ST6GALNAC3: variants seen among roughly 807,000 people sequenced by gnomAD.
ST6GALNAC3 encodes ST6 N-acetylgalactosaminide alpha-2,6-sialyltransferase 3.
Under a neutral mutation model 32.7 loss-of-function variants are expected in ST6GALNAC3, and 25 were observed. The observed-to-expected ratio is 0.76, with a 90% CI of 0.56 to 1.07. The LOEUF (loss-of-function observed/expected upper bound fraction) is 1.07, where lower values mean the gene tolerates loss of function less well. Ranked by LOEUF, ST6GALNAC3 falls within the 50% of genes least tolerant of loss-of-function variation. The probability of loss-of-function intolerance (pLI) is 0.00; values close to 1 mark genes in which losing one functional copy is unlikely to be tolerated. For synonymous variants in ST6GALNAC3, 129 were observed against 133.1 expected (o/e 0.97, Z 0.21); for missense variants, 355 against 382.4 (o/e 0.93, Z 0.60).
intron 1 of ST6GALNAC3, among the ~76,000 whole-genome samples, chr1:76,206,995 T>G (rs1654861882): frequency 6.6e-6 from 1 of 152,182 alleles, no homozygotes; most frequent in South Asian, 2.1e-4. Context: ...CCATTGACAT[T>G]TCTTAAGAAT....
At chr1:76,521,330 T>A (rs191080927) in intron 3 of ST6GALNAC3, among the ~76,000 whole-genome samples, 236 of 150,686 alleles carry the variant, frequency 1.6e-3, no homozygotes, top group Middle Eastern at 0.01. Flanking sequence ...TACATGCATA[T>A]ACACACACAC....
In ST6GALNAC3 at chr1:76,629,479, G is replaced by C; in HGVS notation, c.*673G>C. On this transcript the variant is annotated 3_prime_UTR_variant, in exon 5 of 5. Transcript: ENST00000328299. The stretch of plus-strand genomic sequence containing the variant: ...CAAAATGGGCCAAGTAGCAAATCTT[G>C]ATGAATTTCCACTCTTACCATCCAT... 1.0e-6 allele frequency: 1 copy of C among 985,534 alleles called. No individual in the cohort carries two copies. Among genetic ancestry groups the C allele is most frequent in the Non-Finnish European group, 1.2e-6 (1 of 829,754 alleles). 61.0% of individuals were successfully genotyped at this position (985,534 alleles called of 1,614,324 possible).
intron 1 of ST6GALNAC3, among the ~76,000 whole-genome samples, chr1:76,132,341 C>T (rs887709958): frequency 2.6e-5 from 4 of 152,170 alleles, no homozygotes; most frequent in African/African-American, 9.7e-5. Flanking sequence ...CTTGCCTTCC[C>T]TCCAGTGGGG....
chr1:76,462,862 A>G (rs1202401665), intron 3 of ST6GALNAC3, among the ~76,000 whole-genome samples: 1 of 152,162 alleles, frequency 6.6e-6, no homozygotes, highest in Non-Finnish European at 1.5e-5. Context: ...CACTATCCAC[A>G]TTTTAAAAAA....
In ST6GALNAC3 at chr1:76,628,711, G is replaced by C; in HGVS notation, c.823G>C (p.Gly275Arg). 1 of 1,612,434 alleles carries C rather than the reference G, an allele frequency of 6.2e-7. No homozygotes were observed. The highest frequency in any genetic ancestry group is 8.5e-7 in the Non-Finnish European group (1 of 1,179,066). The change falls in exon 5 of 5, where the codon GGG becomes CGG. Residue 275 changes from glycine (G) to arginine (R), a missense_variant. By Grantham distance (125) the Gly-to-Arg change is moderately radical (BLOSUM62 -2). Transcript: ENST00000328299. ...EYFLHEHAPYGGHRFITEKKV... is the reference protein window; with the variant it reads ...EYFLHEHAPYRGHRFITEKKV... Reference sequence around the variant, plus strand: ...TTTTCTTCATGAACATGCCCCATATGGGGGTCATAGGTTTATCACTGAAAA... The same window carrying C: ...TTTTCTTCATGAACATGCCCCATATCGGGGTCATAGGTTTATCACTGAAAA...
intron 3 of ST6GALNAC3, among the ~76,000 whole-genome samples, chr1:76,521,969 T>G (rs771937296): frequency 4.0e-5 from 6 of 151,726 alleles, no homozygotes; most frequent in Non-Finnish European, 7.4e-5. Flanking sequence ...CTCGGGAGGC[T>G]GAGGCAAGAG....
intron 3 of ST6GALNAC3, among the ~76,000 whole-genome samples, chr1:76,489,012 C>T (rs1409893735): frequency 2.0e-5 from 3 of 152,144 alleles, no homozygotes; most frequent in Non-Finnish European, 4.4e-5. Flanking sequence ...GTTTGCTTAT[C>T]TGCCTTCTTC....
In ST6GALNAC3 at chr1:76,509,215, C is replaced by A. The variant is rs1033006910; in HGVS notation, c.623+96798C>A. Among the ~76,000 whole-genome samples, 5 of 152,090 alleles carry A rather than the reference C, an allele frequency of 3.3e-5. No homozygotes were observed. Among genetic ancestry groups the A allele is most frequent in the Non-Finnish European group, 2.9e-5 (2 of 67,992 alleles). ...AGTCTAGGACAAATAAACAGGCAAA[C>A]AAACAGGAAAACACAAATTGGAAGA... On this transcript the variant is annotated intron_variant, in intron 3 of 4. Transcript: ENST00000328299. The surrounding 1 kb of genome is among the most constrained non-coding windows in gnomAD (Gnocchi z 5.5).
intron 2 of ST6GALNAC3, among the ~76,000 whole-genome samples, chr1:76,356,918 T>A (rs1237621000): frequency 1.3e-5 from 2 of 151,940 alleles, no homozygotes; most frequent in Non-Finnish European, 2.9e-5. Flanking sequence ...TAGGAGAAAG[T>A]GCTAAAGTTG....
intron 1 of ST6GALNAC3, among the ~76,000 whole-genome samples, chr1:76,158,592 T>G (rs79441845): frequency 0.017 from 2,589 of 152,288 alleles, 59 homozygotes; most frequent in African/African-American, 0.052. Flanking sequence ...TATTCTTATT[T>G]TTAAAATTTA....
chr1:76,560,875 T>A (rs2100427071), intron 3 of ST6GALNAC3, among the ~76,000 whole-genome samples: 1 of 152,284 alleles, frequency 6.6e-6, no homozygotes, highest in South Asian at 2.1e-4. Flanking sequence ...CAAAGAGATA[T>A]CTGCATTCCC....
At chr1:76,358,981 G>A (rs1204419172) in intron 2 of ST6GALNAC3, among the ~76,000 whole-genome samples, 2 of 152,142 alleles carry the variant, frequency 1.3e-5, no homozygotes, top group Non-Finnish European at 2.9e-5. Flanking sequence ...CACTATTAGA[G>A]TCTGTACTGG....
intron 2 of ST6GALNAC3, among the ~76,000 whole-genome samples, chr1:76,360,295 A>C (rs1282111962): frequency 6.6e-6 from 1 of 152,002 alleles, no homozygotes; most frequent in Non-Finnish European, 1.5e-5. Flanking sequence ...TCTTTTTTTC[A>C]TTCACATGGT....
chr1:76,383,862 T>C lies in ST6GALNAC3; in HGVS notation c.214-28146T>C, dbSNP rs145407718. Among the ~76,000 whole-genome samples, 251 of 152,280 alleles carry C rather than the reference T, an allele frequency of 1.6e-3. 1 individual carries two copies. The highest frequency in any genetic ancestry group is 2.9e-3 in the Non-Finnish European group (197 of 68,014). On this transcript the variant is annotated intron_variant, in intron 2 of 4. Transcript: ENST00000328299. ...TATATTCTAGTAAGCCAAGAATTAA[T>C]AATGCAATTTTAGGATGATTACTAA... is the stretch of plus-strand genomic sequence containing the variant.
rs138201338 is a variant in ST6GALNAC3, at chr1:76,129,100, C to T, written c.18+54216C>T. Among the ~76,000 whole-genome samples, 74 of 152,242 alleles carry T rather than the reference C, an allele frequency of 4.9e-4. No homozygotes were observed. In the Middle Eastern group the frequency reaches 0.017, roughly 35 times the overall value. ...GAGGTTATGGCTTGTACAAATTTTG[C>T]GTGTCCTATAACATCACCCACCTGT... On this transcript the variant is annotated intron_variant, in intron 1 of 4. Transcript: ENST00000328299.
intron 3 of ST6GALNAC3, among the ~76,000 whole-genome samples, chr1:76,465,828 T>C (rs1463196542): frequency 6.6e-6 from 1 of 152,084 alleles, no homozygotes; most frequent in Non-Finnish European, 1.5e-5. Context: ...TGGTTTTCTG[T>C]GAGGCATTAG....
chr1:76,605,545 A>G (rs1647472964), intron 3 of ST6GALNAC3, among the ~76,000 whole-genome samples: 1 of 150,868 alleles, frequency 6.6e-6, no homozygotes, highest in African/African-American at 2.4e-5. Context: ...AATTTACAAG[A>G]AAAAAAAACA....
chr1:76,466,251 C>G (rs1200967540), intron 3 of ST6GALNAC3, among the ~76,000 whole-genome samples: 1 of 151,892 alleles, frequency 6.6e-6, no homozygotes, highest in Admixed American at 6.6e-5. Context: ...TGTATCAGCT[C>G]CCCAGATAAT....
At position 76,089,154 on chromosome 1, in the gene ST6GALNAC3, A is replaced by G. The variant is rs1227137375; in HGVS notation, c.18+14270A>G. ...CACCATTCTCCTGCCTCAGCTTCCC[A>G]AGTAGCTGGGACTACAGGCACCTGC... On this transcript the variant is annotated intron_variant, in intron 1 of 4. Transcript: ENST00000328299. Among the ~76,000 whole-genome samples the G allele has an allele frequency of 2.0e-5, 3 of 152,126 alleles. No homozygotes were observed. The East Asian group carries it at 5.8e-4, about 29-fold the overall frequency.
Sources: gnomAD v4.1 joint callset for allele counts (sites outside exome capture counted in the v4.1 genomes callset) on GRCh38, gnomAD v4.1.1 for gene constraint, Gnocchi (gnomAD v3.1) non-coding constraint, MANE v1.5 for transcripts, NCBI Gene and HGNC (gene_info 2026-07-23, HGNC 2026-07-21) for gene names.